The following MED16 variants were observed in gnomAD, a reference collection of about 807,000 sequenced individuals.
The protein encoded by MED16 is mediator of RNA polymerase II transcription subunit 16.
Under a neutral mutation model 84.4 loss-of-function variants are expected in MED16, and 81 were observed. That is an observed-to-expected ratio of 0.96 (90% confidence interval 0.80 to 1.15). The LOEUF is 1.15. Ranked by LOEUF, MED16 falls within the 50% of genes most tolerant of loss-of-function variation. The pLI, the probability that MED16 is intolerant of heterozygous loss-of-function variation, is 0.00. For synonymous variants in MED16, 897 were observed against 552.2 expected, an observed-to-expected ratio of 1.62 and a Z score of -8.76; for missense variants, 1,585 against 1,245.9, an observed-to-expected ratio of 1.27 and a Z score of -4.10.
intron 13 of MED16, 41 bp downstream of exon 13, chr19:870,996 A>G: frequency 6.7e-7 from 1 of 1,503,332 alleles, no homozygotes; most frequent in South Asian, 1.2e-5. Context: ...ACACGGAGGA[A>G]GGAGTCCTGT....
At chr19:890,474 T>A in intron 2 of MED16, 1 of 444,178 alleles carries the variant, frequency 2.3e-6, no homozygotes, top group Non-Finnish European at 4.0e-6. Context: ...AGAAAATGAC[T>A]CCGAAATGTG....
chr19:888,524 CAAA>C (rs34583289), intron 4 of MED16, among the ~76,000 whole-genome samples: 17 of 96,916 alleles, frequency 1.8e-4, no homozygotes, highest in East Asian at 2.7e-4. Context: ...ACTCTGTCTC[CAAA>C]AAAAAAAAAA....
rs1011201076 is a variant in MED16 at position 871,019 on chromosome 19, A to G, written c.2315+18T>C. ...GAAGGAGTCCTGTGTTTGGGGACCA[A>G]TGCAGGGACACACGCACCTGGCGAG... is the stretch of plus-strand genomic sequence containing the variant. On this transcript the variant is annotated intron_variant, in intron 13 of 15. Transcript: ENST00000325464. The G allele has an allele frequency of 9.8e-6, 15 of 1,533,380 alleles. No homozygotes were observed. The highest frequency in any genetic ancestry group is 1.3e-5 in the Non-Finnish European group (15 of 1,135,536). 95.0% of individuals were successfully genotyped at this position (1,533,380 alleles called of 1,614,324 possible).
chr19:882,299 G>A (rs955826502), intron 6 of MED16, among the ~76,000 whole-genome samples: 11 of 152,212 alleles, frequency 7.2e-5, no homozygotes, highest in Non-Finnish European at 1.5e-4. Flanking sequence ...CTTGAGTCCA[G>A]GAGTTCAAGA....
At chr19:878,569 G>A (rs1226754729) in intron 8 of MED16, among the ~76,000 whole-genome samples, 1 of 14,444 alleles carries the variant, frequency 6.9e-5, no homozygotes, top group African/African-American at 3.0e-4. Context: ...CCCAGCCCCA[G>A]CCCCACATGC....
intron 11 of MED16, 129 bp from the exon 12 acceptor site, chr19:872,247 G>C (rs969480340): frequency 2.7e-6 from 2 of 742,400 alleles, no homozygotes; most frequent in South Asian, 1.9e-5. Context: ...GTGGTGGTCA[G>C]GACTGGGGTG....
intron 6 of MED16, among the ~76,000 whole-genome samples, chr19:883,703 G>A (rs1406080010): frequency 6.6e-6 from 1 of 152,180 alleles, no homozygotes; most frequent in Non-Finnish European, 1.5e-5. Flanking sequence ...GCTGTGGGCA[G>A]ATGGTAGACA....
chr19:873,783 G>A (rs1041907373), intron 10 of MED16, among the ~76,000 whole-genome samples: 14 of 152,120 alleles, frequency 9.2e-5, no homozygotes, highest in African/African-American at 3.1e-4. Flanking sequence ...CCCCCCGGGG[G>A]CCGCTGTGCT....
intron 14 of MED16, 140 bp from the exon 15 acceptor site, chr19:868,639 C>T: frequency 8.0e-7 from 1 of 1,244,914 alleles, no homozygotes; most frequent in Middle Eastern, 2.6e-4. Flanking sequence ...TGCCACAGGG[C>T]CTCTGCCCAT....
At chr19:890,435 C>A in intron 2 of MED16, 191 bp from the exon 3 acceptor site, 2 of 484,518 alleles carry the variant, frequency 4.1e-6, no homozygotes, top group Non-Finnish European at 7.3e-6. Flanking sequence ...TGTGAGGCGC[C>A]ACAACTGTGT....
At chr19:870,750 G>A (rs1024748675) in intron 13 of MED16, among the ~76,000 whole-genome samples, 1 of 150,340 alleles carries the variant, frequency 6.7e-6, no homozygotes, top group Non-Finnish European at 1.5e-5. Flanking sequence ...GGGGGGTCCT[G>A]GGGCAGGACA....
chr19:877,571 G>A (rs962422901), intron 8 of MED16, among the ~76,000 whole-genome samples: 5 of 88,942 alleles, frequency 5.6e-5, no homozygotes, highest in South Asian at 2.7e-4. Context: ...ACAAGGCAGC[G>A]CAGGCAGGGG....
intron 7 of MED16, among the ~76,000 whole-genome samples, 173 bp from the exon 8 acceptor site, chr19:880,321 A>G (rs1219100727): frequency 1.3e-5 from 2 of 152,230 alleles, no homozygotes; most frequent in African/African-American, 4.8e-5. Flanking sequence ...TTAGTTACAC[A>G]GTCCCTGAGC....
In MED16 at chr19:886,102, T is replaced by C; in HGVS notation, c.547A>G (p.Thr183Ala). The change falls in exon 5 of 16, where the codon ACG becomes GCG. Residue 183 changes from threonine to alanine, a missense_variant. Physicochemically the swap from Thr to Ala is moderately conservative, Grantham distance 58. Coordinates refer to ENST00000325464, the MANE Select transcript of MED16 (RefSeq NM_005481.3). Reference protein sequence around the residue: ...GKPMEGWIAVTVSGLVTVSLL... With the variant: ...GKPMEGWIAVAVSGLVTVSLL... ...GACACGGTGACCAGGCCGCTGACCG[T>C]CACCGCGATCCAGCCCTCCATGGGC... The C allele has an allele frequency of 6.3e-7, 1 of 1,589,038 alleles. No individual in the cohort carries two copies. Among genetic ancestry groups the C allele is most frequent in the Non-Finnish European group, 8.5e-7 (1 of 1,170,992 alleles).
chr19:868,797 C>G lies in MED16; in HGVS notation c.2399+66G>C, dbSNP rs549051147. On this transcript the variant is annotated intron_variant, in intron 14 of 15. Transcript: ENST00000325464. ...GACCGTCTGGAGCGCTGGGTGGGGG[C>G]TAGAATCAGCTGAGCCATCCCCAGC... The G allele has an allele frequency of 1.5e-4, 229 of 1,488,976 alleles. 1 individual carries two copies. In the South Asian group the frequency reaches 2.6e-3, roughly 17 times the overall value. 92.2% of individuals were successfully genotyped at this position (1,488,976 alleles called of 1,614,324 possible).
intron 1 of MED16, 103 bp from the exon 2 acceptor site, chr19:891,252 G>A: frequency 1.7e-6 from 2 of 1,188,620 alleles, no homozygotes; most frequent in East Asian, 2.4e-5. Flanking sequence ...CGTGGTAGAG[G>A]GAACAGCCGA....
At chr19:881,818 T>C in intron 6 of MED16, 104 bp from the exon 7 acceptor site, 1 of 1,147,096 alleles carries the variant, frequency 8.7e-7, no homozygotes, top group Non-Finnish European at 1.2e-6. Context: ...CCCAGGGCCC[T>C]TCCCAGGTCT....
rs567501144 is a variant in MED16, at chr19:890,213, C to T, written c.201G>A (p.Thr67=). 15 of 1,554,146 alleles carry T rather than the reference C, an allele frequency of 9.7e-6. No individual in the cohort carries two copies. The African/African-American group carries it at 1.8e-4, about 18-fold the overall frequency. The change falls in exon 3 of 16, where the codon ACG becomes ACA. Residue 67 remains threonine (T), a synonymous_variant. Coordinates refer to ENST00000325464, the MANE Select transcript of MED16 (RefSeq NM_005481.3). ...TCGAGTGCAGGTCCCAGGGGTGCTCCGTGTCCAGGATGTGGATCATGCGGG... is the reference window on the plus strand; with the variant it reads ...TCGAGTGCAGGTCCCAGGGGTGCTCTGTGTCCAGGATGTGGATCATGCGGG... ...DLTRMIHILD[T]EHPWDLHSIP...
intron 8 of MED16, among the ~76,000 whole-genome samples, 169 bp from the exon 9 acceptor site, chr19:877,349 G>A: frequency 6.6e-6 from 1 of 152,162 alleles, no homozygotes; most frequent in Non-Finnish European, 1.5e-5. Flanking sequence ...CTTTCTGTCA[G>A]GGTCATGCAC....
Sources: allele counts gnomAD v4.1 joint callset (sites outside exome capture counted in the v4.1 genomes callset), GRCh38; gene constraint gnomAD v4.1.1; transcripts MANE v1.5; gene names NCBI Gene and HGNC (gene_info 2026-07-23, HGNC 2026-07-21).